The following CTNNA3 variants were observed in gnomAD, a reference collection of about 807,000 sequenced individuals.
CTNNA3 encodes the protein catenin alpha-3.
CTNNA3 carries 76 observed loss-of-function variants against 95.7 expected under a neutral mutation model. The observed-to-expected ratio is 0.79, with a 90% CI of 0.66 to 0.96. The LOEUF (loss-of-function observed/expected upper bound fraction) is 0.96. CTNNA3 is among the 40% of genes least tolerant of loss of function. The pLI is 0.00. For synonymous variants in CTNNA3, 431 were observed against 374.4 expected (o/e 1.15, Z -1.74); for missense variants, 1,191 against 1,089.8 (o/e 1.09, Z -1.31).
At chr10:66,306,777 G>T (rs1255306883) in intron 12 of CTNNA3, among the ~76,000 whole-genome samples, 4 of 152,136 alleles carry the variant, frequency 2.6e-5, no homozygotes, top group African/African-American at 7.2e-5. Flanking sequence ...AAGAAAAAAA[G>T]AATTAAAGAC....
chr10:66,574,706 TTTTCC>T (rs1842958133), intron 10 of CTNNA3, among the ~76,000 whole-genome samples: 1 of 152,148 alleles, frequency 6.6e-6, no homozygotes. Context: ...GGAAATATAA[TTTTCC>T]ATGATTACTT....
chr10:66,105,430 A>T (rs925281639), intron 13 of CTNNA3, among the ~76,000 whole-genome samples: 1 of 152,180 alleles, frequency 6.6e-6, no homozygotes, highest in Non-Finnish European at 1.5e-5. Context: ...TTGCAACTGA[A>T]GGCTGTCTGG....
At chr10:67,750,330 T>G in intron 1 of CTNNA3, 1 of 1,523,548 alleles carries the variant, frequency 6.6e-7, no homozygotes, top group Non-Finnish European at 9.1e-7. Flanking sequence ...ATGCCCATTG[T>G]GGGCCTGGGC....
intron 15 of CTNNA3, among the ~76,000 whole-genome samples, chr10:66,062,777 G>C (rs1232368479): frequency 6.6e-6 from 1 of 152,114 alleles, no homozygotes; most frequent in Non-Finnish European, 1.5e-5. Context: ...GCCTTTGCTA[G>C]TGATGGCTAT....
intron 12 of CTNNA3, among the ~76,000 whole-genome samples, chr10:66,293,278 T>G (rs1356727668): frequency 2.0e-5 from 3 of 152,160 alleles, no homozygotes; most frequent in Non-Finnish European, 4.4e-5. Context: ...GATTTCAATA[T>G]ATTACCTGTT....
At chr10:67,375,044 A>G (rs1843638179) in intron 5 of CTNNA3, among the ~76,000 whole-genome samples, 2 of 152,180 alleles carry the variant, frequency 1.3e-5, no homozygotes, top group Non-Finnish European at 1.5e-5. Context: ...GACATACTAA[A>G]AGTTGAAGAT....
At chr10:67,060,666 G>GTC (rs141445121) in intron 7 of CTNNA3, among the ~76,000 whole-genome samples, 2,830 of 150,482 alleles carry the variant, frequency 0.019, 85 homozygotes, top group African/African-American at 0.063. Flanking sequence ...ATGGGTTCCT[G>GTC]TCTCTCTCTC....
intron 7 of CTNNA3, among the ~76,000 whole-genome samples, chr10:66,923,822 C>T (rs1846920871): frequency 6.6e-6 from 1 of 152,162 alleles, no homozygotes; most frequent in Non-Finnish European, 1.5e-5. Flanking sequence ...TTGAACATTA[C>T]ATAATCAGTT....
chr10:67,109,311 T>C (rs1453949030), intron 7 of CTNNA3, among the ~76,000 whole-genome samples: 5 of 152,168 alleles, frequency 3.3e-5, no homozygotes, highest in Non-Finnish European at 7.4e-5. Flanking sequence ...ATAAGCACAG[T>C]TGTTTTGGAA....
intron 7 of CTNNA3, among the ~76,000 whole-genome samples, chr10:67,143,721 A>G (rs1392278512): frequency 2.0e-5 from 3 of 152,110 alleles, no homozygotes; most frequent in Non-Finnish European, 2.9e-5. Context: ...TTCAGGCTCC[A>G]TTTCTAACTC....
chr10:67,503,851 A>C (rs780554014), intron 5 of CTNNA3, among the ~76,000 whole-genome samples: 5 of 152,182 alleles, frequency 3.3e-5, no homozygotes, highest in Non-Finnish European at 7.3e-5. Context: ...CTTTTCCAAA[A>C]CCGCTTAAAA....
At chr10:67,746,883 C>G (rs1243369757) in intron 1 of CTNNA3, among the ~76,000 whole-genome samples, 1 of 152,190 alleles carries the variant, frequency 6.6e-6, no homozygotes, top group Non-Finnish European at 1.5e-5. Flanking sequence ...GGGGCAGGAG[C>G]CAGCGGGAGA....
At chr10:66,863,769 A>G (rs991677828) in intron 7 of CTNNA3, among the ~76,000 whole-genome samples, 1 of 152,150 alleles carries the variant, frequency 6.6e-6, no homozygotes, top group East Asian at 1.9e-4. Context: ...AGTGAAATTT[A>G]GCAACAGGGT....
chr10:67,534,392 G>C (rs1357125032), intron 4 of CTNNA3, among the ~76,000 whole-genome samples: 5 of 152,214 alleles, frequency 3.3e-5, no homozygotes, highest in African/African-American at 1.2e-4. Context: ...GAAATAAGCA[G>C]GGGCCAAGTG....
chr10:66,457,367 A>T lies in CTNNA3; in HGVS notation c.1531+63250T>A, dbSNP rs1384900875. Among the ~76,000 whole-genome samples the T allele has an allele frequency of 2.0e-5, 3 of 152,106 alleles. No homozygotes were observed. In the East Asian group the frequency reaches 5.8e-4, roughly 29 times the overall value. On this transcript the variant is annotated intron_variant, in intron 11 of 17. Coordinates refer to ENST00000433211, the MANE Select transcript of CTNNA3 (RefSeq NM_013266.4). ...ACTCTCGAAACTCAATAAAAAGAAA[A>T]CAAACAACTCAATTTAAAAATTCAT...
chr10:66,958,318 A>T (rs1328872110), intron 7 of CTNNA3, among the ~76,000 whole-genome samples: 1 of 103,642 alleles, frequency 9.6e-6, no homozygotes, highest in African/African-American at 3.7e-5. Flanking sequence ...CAAAAAAAAA[A>T]AAAAAAAAAA....
rs747960789 is a variant in CTNNA3 at position 65,965,830 on chromosome 10, T to C, written c.2400+782A>G. 7.0e-4 allele frequency among the ~76,000 whole-genome samples: 106 copies of C among 152,078 alleles called. 3 individuals carry two copies. Among genetic ancestry groups the C allele is most frequent in the Non-Finnish European group, 2.4e-4 (16 of 68,000 alleles). ...ATATGTTACAGACATATAAATATAC[T>C]AGTGTAATTAAAAAAAATTTTCTCA... On this transcript the variant is annotated intron_variant, in intron 17 of 17. Coordinates refer to ENST00000433211, the MANE Select transcript of CTNNA3 (RefSeq NM_013266.4).
chr10:67,509,186 T>C (rs895855040), intron 5 of CTNNA3, among the ~76,000 whole-genome samples: 2 of 148,818 alleles, frequency 1.3e-5, no homozygotes, highest in Non-Finnish European at 2.9e-5. Flanking sequence ...TAAATAGACA[T>C]GTTTCTTTTT....
intron 6 of CTNNA3, among the ~76,000 whole-genome samples, chr10:67,215,271 C>CCCAA (rs1864306508): frequency 2.0e-5 from 3 of 151,954 alleles, no homozygotes; most frequent in Non-Finnish European, 4.4e-5. Flanking sequence ...GTTTCTTCAA[C>CCCAA]ATATTCATTA....
Sources: gnomAD v4.1 joint callset for allele counts (sites outside exome capture counted in the v4.1 genomes callset) on GRCh38, gnomAD v4.1.1 for gene constraint, MANE v1.5 for transcripts, NCBI Gene and HGNC (gene_info 2026-07-23, HGNC 2026-07-21) for gene names.